ZCCHC7: variants seen among roughly 807,000 people sequenced by gnomAD.
ZCCHC7 encodes zinc finger CCHC domain-containing protein 7.
In ZCCHC7, 35 loss-of-function variants were observed where a neutral mutation model predicts 52.0. The ratio of observed to expected loss-of-function variants is 0.67; its 90% CI spans 0.51 to 0.89. The LOEUF (loss-of-function observed/expected upper bound fraction) is 0.89, where lower values mean the gene tolerates loss of function less well. Among genes scored for constraint, ZCCHC7 ranks in the 40% least tolerant of loss-of-function variants. The probability of loss-of-function intolerance (pLI) is 0.00; values close to 1 mark genes in which losing one functional copy is unlikely to be tolerated. For synonymous variants in ZCCHC7, 217 were observed against 221.5 expected, an observed-to-expected ratio of 0.98 and a Z score of 0.18; for missense variants, 574 against 649.1, an observed-to-expected ratio of 0.88 and a Z score of 1.26.
intron 2 of ZCCHC7, among the ~76,000 whole-genome samples, chr9:37,187,518 A>G (rs1051907712): frequency 3.9e-5 from 6 of 152,210 alleles, no homozygotes; most frequent in African/African-American, 1.2e-4. Flanking sequence ...ACGAACTGGT[A>G]CTGATTGTTC....
intron 6 of ZCCHC7, 152 bp from the exon 7 acceptor site, chr9:37,349,205 A>G: frequency 1.6e-6 from 1 of 629,096 alleles, no homozygotes; most frequent in South Asian, 2.2e-5. Context: ...CATGTTATAT[A>G]CTTTAATATA....
chr9:37,140,747 C>T (rs1397409606), intron 2 of ZCCHC7, among the ~76,000 whole-genome samples: 1 of 151,764 alleles, frequency 6.6e-6, no homozygotes, highest in Non-Finnish European at 1.5e-5. Context: ...AATTATGTAC[C>T]CGGTAGTCAG....
At chr9:37,151,545 C>T (rs923326173) in intron 2 of ZCCHC7, among the ~76,000 whole-genome samples, 39 of 152,220 alleles carry the variant, frequency 2.6e-4, no homozygotes, top group African/African-American at 8.7e-4. Flanking sequence ...TGGCTCACGC[C>T]TGTAATTCCA....
At chr9:37,152,650 A>G (rs375081903) in intron 2 of ZCCHC7, among the ~76,000 whole-genome samples, 1 of 152,302 alleles carries the variant, frequency 6.6e-6, no homozygotes, top group African/African-American at 2.4e-5. Context: ...GACTGCATGT[A>G]TGGGTTTTGG....
rs1293785247 is a variant in ZCCHC7, at chr9:37,357,980, C to T, written c.*712C>T. 3.3e-5 allele frequency: 5 copies of T among 152,002 alleles called. No homozygotes were observed. Among genetic ancestry groups the T allele is most frequent in the African/African-American group, 2.4e-5 (1 of 41,366 alleles). The allele number at this position is 152,002 out of a possible 1,614,324, so 9.4% of individuals were successfully genotyped here. On this transcript the variant is annotated 3_prime_UTR_variant, in exon 9 of 9. Coordinates refer to ENST00000336755, the MANE Select transcript of ZCCHC7 (RefSeq NM_032226.3). The stretch of plus-strand genomic sequence containing the variant: ...ACCACTTTTACAGCGGTGTTTCAAG[C>T]GGACTGTCACTCAGATCTGCAGAGA...
intron 2 of ZCCHC7, among the ~76,000 whole-genome samples, chr9:37,166,535 A>AT (rs992986639): frequency 9.4e-5 from 14 of 149,560 alleles, no homozygotes; most frequent in East Asian, 3.9e-4. Context: ...ATTTTTCTCT[A>AT]TTTTTTTTTA....
chr9:37,210,576 C>T (rs1824164769), intron 2 of ZCCHC7, among the ~76,000 whole-genome samples: 1 of 152,120 alleles, frequency 6.6e-6, no homozygotes, highest in African/African-American at 2.4e-5. Flanking sequence ...ATTTCCCTCC[C>T]ATTTTGACAT....
chr9:37,172,028 G>A lies in ZCCHC7; in HGVS notation c.610+45086G>A, dbSNP rs112311259. Among the ~76,000 whole-genome samples, 514 of 152,114 alleles carry A rather than the reference G, an allele frequency of 3.4e-3. 2 individuals carry two copies. The highest frequency in any genetic ancestry group is 0.012 in the African/African-American group (489 of 41,494). On this transcript the variant is annotated intron_variant, in intron 2 of 8. Transcript: ENST00000336755. ...TAAATAAGAGAATTTTTGTACACTT[G>A]GTTTAATAAATGAGGCGAGTTTTTA... is the stretch of plus-strand genomic sequence containing the variant.
intron 6 of ZCCHC7, among the ~76,000 whole-genome samples, chr9:37,330,448 C>A (rs1830409709): frequency 6.6e-6 from 1 of 151,488 alleles, no homozygotes; most frequent in African/African-American, 2.4e-5. Context: ...ACACAAACAT[C>A]CATATTATAA....
chr9:37,336,096 A>G (rs1830636465), intron 6 of ZCCHC7, among the ~76,000 whole-genome samples: 1 of 152,176 alleles, frequency 6.6e-6, no homozygotes, highest in Non-Finnish European at 1.5e-5. Context: ...ATAAGAAATG[A>G]AACAAAATAG....
chr9:37,203,418 G>GT, intron 2 of ZCCHC7, among the ~76,000 whole-genome samples: 1 of 152,164 alleles, frequency 6.6e-6, no homozygotes, highest in South Asian at 2.1e-4. Flanking sequence ...TGTCATCTAG[G>GT]TTTTAAGCCC....
At chr9:37,348,655 G>A (rs1821174808) in intron 6 of ZCCHC7, among the ~76,000 whole-genome samples, 1 of 152,140 alleles carries the variant, frequency 6.6e-6, no homozygotes, top group Non-Finnish European at 1.5e-5. Flanking sequence ...TGGGAGTACA[G>A]GTGTGAGCCA....
At chr9:37,321,213 C>A (rs1830039568) in intron 5 of ZCCHC7, among the ~76,000 whole-genome samples, 1 of 151,984 alleles carries the variant, frequency 6.6e-6, no homozygotes, top group Non-Finnish European at 1.5e-5. Context: ...TGGTCTTGAT[C>A]TCCTGACCTC....
At chr9:37,140,530 A>G (rs938601850) in intron 2 of ZCCHC7, among the ~76,000 whole-genome samples, 1 of 151,988 alleles carries the variant, frequency 6.6e-6, no homozygotes, top group South Asian at 2.1e-4. Context: ...AGTGGTAGAG[A>G]TCCATCAGGT....
At position 37,357,220 on chromosome 9, in the gene ZCCHC7, T is replaced by A; in HGVS notation, c.1584T>A (p.Asp528Glu). The change falls in exon 9 of 9, where the codon GAT becomes GAA. Residue 528 changes from aspartate to glutamate, a missense_variant. Physicochemically the swap from Asp to Glu is conservative, Grantham distance 45. Around this residue, in one of 3 missense-constraint regions of ZCCHC7, gnomAD observed 168 missense variants for 171.6 expected, o/e 0.98. Coordinates refer to ENST00000336755, the MANE Select transcript of ZCCHC7 (RefSeq NM_032226.3). ...QKKKERCWED[D>E]DNDNLFLIKQ... ...AAAAGGAGAGGTGCTGGGAAGATGATGACAATGATAACTTATTTCTTATTA... is the reference window on the plus strand; with the variant it reads ...AAAAGGAGAGGTGCTGGGAAGATGAAGACAATGATAACTTATTTCTTATTA... 1 of 1,610,186 alleles carries A rather than the reference T, an allele frequency of 6.2e-7. No homozygotes were observed. Among genetic ancestry groups the A allele is most frequent in the East Asian group, 2.2e-5 (1 of 44,830 alleles).
At chr9:37,208,975 A>T (rs573157487) in intron 2 of ZCCHC7, among the ~76,000 whole-genome samples, 15 of 152,288 alleles carry the variant, frequency 9.8e-5, no homozygotes, top group Admixed American at 3.3e-4. Flanking sequence ...TTTTTAAAAA[A>T]TTTTAAAAAA....
intron 2 of ZCCHC7, among the ~76,000 whole-genome samples, chr9:37,183,737 C>G (rs1297750511): frequency 6.6e-6 from 1 of 152,186 alleles, no homozygotes; most frequent in Admixed American, 6.5e-5. Flanking sequence ...TTTTCCTCCT[C>G]ACATCAACAA....
intron 2 of ZCCHC7, among the ~76,000 whole-genome samples, chr9:37,184,448 G>GGT (rs1444224684): frequency 6.6e-6 from 1 of 150,708 alleles, no homozygotes. Context: ...GAGAGCAAGA[G>GGT]GTGCTCTATG....
intron 7 of ZCCHC7, among the ~76,000 whole-genome samples, chr9:37,353,333 G>A (rs1429999738): frequency 1.3e-5 from 2 of 152,058 alleles, no homozygotes; most frequent in South Asian, 2.1e-4. Flanking sequence ...AAGTTGGAAG[G>A]ACCACTTGAG....
Sources: gnomAD v4.1 joint callset for allele counts (sites outside exome capture counted in the v4.1 genomes callset) on GRCh38, gnomAD v4.1.1 for gene constraint, gnomAD v4.1.1 regional missense constraint, MANE v1.5 for transcripts, NCBI Gene and HGNC (gene_info 2026-07-23, HGNC 2026-07-21) for gene names.